The following SOX6 variants were observed in gnomAD, a reference collection of about 807,000 sequenced individuals.
SOX6 encodes transcription factor SOX-6.
Under a neutral mutation model 97.8 loss-of-function variants are expected in SOX6, and 11 were observed. The ratio of observed to expected loss-of-function variants is 0.11; its 90% CI spans 0.07 to 0.19. The LOEUF (loss-of-function observed/expected upper bound fraction) is 0.19. Among genes scored for constraint, SOX6 ranks in the 10% least tolerant of loss-of-function variants. The pLI, the probability that SOX6 is intolerant of heterozygous loss-of-function variation, is 1.00. For missense variants in SOX6, 810 were observed against 1,039.5 expected, an observed-to-expected ratio of 0.78 and a Z score of 3.04; for synonymous variants, 360 against 371.4, an observed-to-expected ratio of 0.97 and a Z score of 0.35.
At chr11:16,094,957 G>T (rs1848762787) in intron 9 of SOX6, among the ~76,000 whole-genome samples, 1 of 151,784 alleles carries the variant, frequency 6.6e-6, no homozygotes, top group Non-Finnish European at 1.5e-5. Context: ...TTCCAAAAAG[G>T]TAGATTCACA....
At chr11:16,074,102 G>A (rs968061504) in intron 9 of SOX6, among the ~76,000 whole-genome samples, 3 of 151,978 alleles carry the variant, frequency 2.0e-5, no homozygotes, top group Non-Finnish European at 4.4e-5. Context: ...ACCACAATCA[G>A]AGCTGAACTG....
intron 3 of SOX6, among the ~76,000 whole-genome samples, chr11:16,665,682 C>T (rs1847801930): frequency 1.3e-5 from 2 of 152,150 alleles, no homozygotes. Context: ...AGGCCTAGAG[C>T]ATTCAGTAAA....
At position 15,968,305 on chromosome 11, in the gene SOX6, A is replaced by T. The variant is rs992237461; in HGVS notation, c.*4504T>A. On this transcript the variant is annotated 3_prime_UTR_variant, in exon 16 of 16. Transcript: ENST00000683767. The stretch of plus-strand genomic sequence containing the variant: ...CAGCAACCATTTTTGTCATTTTCTC[A>T]TTAAAAAGGAAGACCCAGTAGTAAT... The T allele has an allele frequency of 1.3e-5, 2 of 152,226 alleles. No homozygotes were observed. The highest frequency in any genetic ancestry group is 4.8e-5 in the African/African-American group (2 of 41,466). 9.4% of individuals were successfully genotyped at this position (152,226 alleles called of 1,614,324 possible).
intron 11 of SOX6, 112 bp downstream of exon 11, chr11:16,049,643 A>G (rs1847633814): frequency 2.5e-6 from 3 of 1,213,422 alleles, no homozygotes; most frequent in Non-Finnish European, 3.5e-6. Flanking sequence ...AGATAAGAGT[A>G]TTATCTTTTA....
chr11:16,312,004 A>C (rs893407331), intron 3 of SOX6: 2 of 152,192 alleles, frequency 1.3e-5, no homozygotes, highest in Admixed American at 6.5e-5. Flanking sequence ...TCCATTGGAA[A>C]GCCTGTCCCA....
At chr11:16,523,393 A>C (rs886387045) in intron 4 of SOX6, among the ~76,000 whole-genome samples, 3 of 152,242 alleles carry the variant, frequency 2.0e-5, no homozygotes, top group African/African-American at 4.8e-5. Context: ...CTGGGTACAT[A>C]AGGAAACGAA....
At chr11:16,143,019 C>T (rs919463069) in intron 6 of SOX6, among the ~76,000 whole-genome samples, 2 of 151,996 alleles carry the variant, frequency 1.3e-5, no homozygotes, top group Non-Finnish European at 2.9e-5. Flanking sequence ...AGATACTCCT[C>T]GAGAAGAGCA....
intron 4 of SOX6, among the ~76,000 whole-genome samples, chr11:16,485,941 A>G (rs186041282): frequency 0.11 from 521 of 4,940 alleles, no homozygotes; most frequent in African/African-American, 0.14. Context: ...GGGAGGGGAG[A>G]GGAGGGGAGG....
intron 3 of SOX6, among the ~76,000 whole-genome samples, chr11:16,696,684 C>T (rs1006248699): frequency 6.6e-6 from 1 of 152,154 alleles, no homozygotes; most frequent in Admixed American, 6.5e-5. Context: ...AAATAATTAT[C>T]GGGGCCTTCA....
chr11:16,306,611 C>CT (rs750981587), intron 3 of SOX6, among the ~76,000 whole-genome samples: 1,714 of 120,428 alleles, frequency 0.014, 30 homozygotes, highest in African/African-American at 0.04. Context: ...CCTCAAATTT[C>CT]TTTTTTTTTT....
chr11:16,286,770 A>G (rs1052987936), intron 3 of SOX6, among the ~76,000 whole-genome samples: 4 of 152,160 alleles, frequency 2.6e-5, no homozygotes, highest in Admixed American at 6.5e-5. Flanking sequence ...AACTATTAAT[A>G]TCTGTTAAAT....
At chr11:16,581,483 T>C (rs933277767) in intron 4 of SOX6, among the ~76,000 whole-genome samples, 1 of 151,842 alleles carries the variant, frequency 6.6e-6, no homozygotes, top group Non-Finnish European at 1.5e-5. Flanking sequence ...TCAGGACAAA[T>C]AGTTAATGCA....
chr11:15,973,528 C>A (rs1853377972), intron 15 of SOX6, among the ~76,000 whole-genome samples: 2 of 152,166 alleles, frequency 1.3e-5, no homozygotes, highest in South Asian at 4.1e-4. Context: ...CACTATTAAG[C>A]AGGTTTGTGT....
chr11:16,192,347 T>C lies in SOX6; in HGVS notation c.536-5392A>G, dbSNP rs139367478. On this transcript the variant is annotated intron_variant, in intron 4 of 15. Transcript: ENST00000683767. ...CCTTTAAAATTGACACATTTTTTTT[T>C]CTTAGGGGCCTTTATTCCAGTGACT... Among the ~76,000 whole-genome samples the C allele has an allele frequency of 3.2e-3, 481 of 152,336 alleles. 3 individuals are homozygous for C. Among genetic ancestry groups the C allele is most frequent in the African/African-American group, 9.5e-3 (397 of 41,582 alleles).
At chr11:16,339,057 T>C (rs113964914) in intron 2 of SOX6, among the ~76,000 whole-genome samples, 53 of 152,186 alleles carry the variant, frequency 3.5e-4, no homozygotes, top group Non-Finnish European at 4.7e-4. Flanking sequence ...CCAAAATATG[T>C]CTTAAACCCA....
intron 12 of SOX6, among the ~76,000 whole-genome samples, chr11:16,038,046 A>G (rs553691317): frequency 6.6e-6 from 1 of 152,302 alleles, no homozygotes; most frequent in South Asian, 2.1e-4. Flanking sequence ...AAAAATAACA[A>G]TACAAATAAT....
At chr11:16,258,518 A>G (rs1459771923) in intron 3 of SOX6, among the ~76,000 whole-genome samples, 1 of 152,028 alleles carries the variant, frequency 6.6e-6, no homozygotes, top group Non-Finnish European at 1.5e-5. Flanking sequence ...TAAAACTATG[A>G]AGATATTAAA....
At chr11:16,259,128 G>C (rs1429673066) in intron 3 of SOX6, among the ~76,000 whole-genome samples, 1 of 151,674 alleles carries the variant, frequency 6.6e-6, no homozygotes, top group Non-Finnish European at 1.5e-5. Flanking sequence ...TATTTAGCAA[G>C]ATCATTGGAT....
chr11:16,327,336 G>A (rs1387099449), intron 2 of SOX6, among the ~76,000 whole-genome samples: 1 of 151,978 alleles, frequency 6.6e-6, no homozygotes. Flanking sequence ...AATGTCCTTT[G>A]TCCAATTGCC....
Sources: gnomAD v4.1 joint callset for allele counts (sites outside exome capture counted in the v4.1 genomes callset) on GRCh38, gnomAD v4.1.1 for gene constraint, MANE v1.5 for transcripts, NCBI Gene and HGNC (gene_info 2026-07-23, HGNC 2026-07-21) for gene names.